PID1: variants seen among roughly 807,000 people sequenced by gnomAD.
The protein encoded by PID1 is PTB-containing, cubilin and LRP1-interacting protein.
A neutral mutation model predicts 19.1 loss-of-function variants in PID1; 10 were observed. The observed-to-expected ratio is 0.52, with a 90% confidence interval of 0.32 to 0.89. The LOEUF (loss-of-function observed/expected upper bound fraction) is 0.89, where lower values mean the gene tolerates loss of function less well. PID1 is among the 40% of genes least tolerant of loss of function. The pLI, the probability that PID1 is intolerant of heterozygous loss-of-function variation, is 0.03. For missense variants in PID1, 248 were observed against 285.3 expected (o/e 0.87, Z 0.94); for synonymous variants, 130 against 116.0 (o/e 1.12, Z -0.78).
intron 2 of PID1, among the ~76,000 whole-genome samples, chr2:229,078,428 A>G (rs1020376811): frequency 6.6e-6 from 1 of 152,190 alleles, no homozygotes; most frequent in African/African-American, 2.4e-5. Flanking sequence ...AACTTCCAGC[A>G]CTATGTTGCA....
At chr2:229,043,007 AAATT>A (rs1284144978) in intron 2 of PID1, among the ~76,000 whole-genome samples, 1 of 124,326 alleles carries the variant, frequency 8.0e-6, no homozygotes, top group Non-Finnish European at 1.7e-5. Context: ...AGAAAGGGAG[AAATT>A]TTTTTTTTTT....
At chr2:229,201,747 T>A (rs148345838) in intron 1 of PID1, among the ~76,000 whole-genome samples, 37 of 152,214 alleles carry the variant, frequency 2.4e-4, no homozygotes, top group Middle Eastern at 3.4e-3. Flanking sequence ...CCACCAACAG[T>A]GCATCAGGTT....
At chr2:229,262,858 C>T (rs1223068956) in intron 1 of PID1, 9 of 1,544,992 alleles carry the variant, frequency 5.8e-6, no homozygotes, top group Non-Finnish European at 7.9e-6. Flanking sequence ...TTCACAATGG[C>T]CTTCTCTGTG....
At chr2:229,130,266 C>T (rs1017293714) in intron 2 of PID1, among the ~76,000 whole-genome samples, 3 of 152,108 alleles carry the variant, frequency 2.0e-5, no homozygotes, top group African/African-American at 7.2e-5. Context: ...TGCAGACACC[C>T]GTCCTTGCAT....
At chr2:229,270,616 C>A (rs1227012) in intron 1 of PID1, among the ~76,000 whole-genome samples, 24,920 of 142,672 alleles carry the variant, frequency 0.17, 3,189 homozygotes, top group East Asian at 0.71. Context: ...TTTCACATAT[C>A]ACTTGTTCTG....
chr2:229,187,577 T>TC (rs1691159944), intron 1 of PID1, among the ~76,000 whole-genome samples: 2 of 152,156 alleles, frequency 1.3e-5, no homozygotes, highest in Admixed American at 1.3e-4. Context: ...GCCACGATGA[T>TC]TTAATTACCT....
intron 1 of PID1, among the ~76,000 whole-genome samples, chr2:229,264,394 G>A (rs959665265): frequency 3.9e-5 from 6 of 152,250 alleles, no homozygotes; most frequent in South Asian, 2.1e-4. Flanking sequence ...TAAGAGGTAT[G>A]TCAACTCAGA....
intron 2 of PID1, among the ~76,000 whole-genome samples, chr2:229,109,951 A>G (rs987042210): frequency 2.0e-5 from 3 of 152,202 alleles, no homozygotes; most frequent in African/African-American, 7.2e-5. Context: ...AGAACATATT[A>G]AAGAGGACTC....
chr2:229,222,919 G>A (rs146086626), intron 1 of PID1, among the ~76,000 whole-genome samples: 1 of 150,830 alleles, frequency 6.6e-6, no homozygotes, highest in African/African-American at 2.5e-5. Context: ...TATTGGTTCT[G>A]TTTCTCTGGA....
intron 1 of PID1, among the ~76,000 whole-genome samples, chr2:229,163,674 T>TGCGCGC (rs1553570238): frequency 4.2e-5 from 4 of 94,372 alleles, no homozygotes; most frequent in South Asian, 7.8e-4. Context: ...TGTGTGTGTG[T>TGCGCGC]GCGTGTGCGT....
intron 1 of PID1, among the ~76,000 whole-genome samples, chr2:229,257,640 T>C (rs1229532398): frequency 6.6e-6 from 1 of 152,224 alleles, no homozygotes; most frequent in Admixed American, 6.5e-5. Flanking sequence ...TTTCCTTACC[T>C]ATTTATTGAA....
At chr2:229,160,392 G>C (rs1274360671) in intron 1 of PID1, among the ~76,000 whole-genome samples, 1 of 151,928 alleles carries the variant, frequency 6.6e-6, no homozygotes, top group Non-Finnish European at 1.5e-5. Flanking sequence ...ATTGGAGACA[G>C]GAAGATAACA....
chr2:229,156,049 T>C (rs1284707490), intron 1 of PID1, 85 bp from the exon 2 acceptor site: 2 of 1,232,660 alleles, frequency 1.6e-6, no homozygotes, highest in Admixed American at 2.0e-5. Flanking sequence ...CAGTAGCAAC[T>C]TGTTTTATTG....
intron 2 of PID1, among the ~76,000 whole-genome samples, chr2:229,061,069 C>A (rs1321747942): frequency 6.6e-6 from 1 of 152,080 alleles, no homozygotes; most frequent in Non-Finnish European, 1.5e-5. Flanking sequence ...ATTGCCACTT[C>A]ATTCTACTGA....
chr2:229,207,627 C>T (rs573205084), intron 1 of PID1, among the ~76,000 whole-genome samples: 2 of 151,560 alleles, frequency 1.3e-5, no homozygotes, highest in South Asian at 4.2e-4. Context: ...TGCAGACGGT[C>T]AGACCCATAC....
At chr2:229,054,282 T>C (rs1392741933) in intron 2 of PID1, among the ~76,000 whole-genome samples, 1 of 152,156 alleles carries the variant, frequency 6.6e-6, no homozygotes, top group Non-Finnish European at 1.5e-5. Flanking sequence ...TGCGTAAAGC[T>C]TGGCTGAAGG....
At chr2:229,074,355 C>A (rs934330930) in intron 2 of PID1, among the ~76,000 whole-genome samples, 2 of 151,752 alleles carry the variant, frequency 1.3e-5, no homozygotes, top group Non-Finnish European at 2.9e-5. Context: ...AAGGATGCAG[C>A]CGCAACAATA....
intron 2 of PID1, among the ~76,000 whole-genome samples, chr2:229,041,557 GC>G (rs1693771118): frequency 6.6e-6 from 1 of 152,106 alleles, no homozygotes. Flanking sequence ...AATGTTGCAG[GC>G]AAGAAGTATC....
intron 2 of PID1, among the ~76,000 whole-genome samples, chr2:229,149,992 C>T (rs917963019): frequency 6.6e-6 from 1 of 152,106 alleles, no homozygotes; most frequent in Non-Finnish European, 1.5e-5. Context: ...AATCTCAGCA[C>T]TTTGGGAGGC....
Sources: gnomAD v4.1 joint callset for allele counts (sites outside exome capture counted in the v4.1 genomes callset) on GRCh38, gnomAD v4.1.1 for gene constraint, MANE v1.5 for transcripts, NCBI Gene and HGNC (gene_info 2026-07-23, HGNC 2026-07-21) for gene names.